Variants in GLRA3 observed in about 807,000 individuals in gnomAD.
GLRA3 encodes the protein glycine receptor alpha 3.
GLRA3 carries 44 observed loss-of-function variants against 60.4 expected under a neutral mutation model. The ratio of observed to expected loss-of-function variants is 0.73; its 90% CI spans 0.57 to 0.94. The LOEUF (loss-of-function observed/expected upper bound fraction) is 0.94. GLRA3 is among the 40% of genes least tolerant of loss of function. The pLI is 0.00. For synonymous variants in GLRA3, 223 were observed against 192.9 expected (o/e 1.16, Z -1.29); for missense variants, 508 against 564.6 (o/e 0.90, Z 1.02).
In GLRA3 at chr4:174,643,569, T is replaced by A. The variant is rs998449427; in HGVS notation, c.*217A>T. ...AAAAACAAATCACCTGGAATTAATA[T>A]GAAATAGAATCCCCTAATAAATATT... On this transcript the variant is annotated 3_prime_UTR_variant, in exon 10 of 10. Coordinates refer to ENST00000274093, the MANE Select transcript of GLRA3 (RefSeq NM_006529.4). 1 of 1,221,694 alleles carries A rather than the reference T, an allele frequency of 8.2e-7. No individual in the cohort carries two copies. Among genetic ancestry groups the A allele is most frequent in the African/African-American group, 1.5e-5 (1 of 65,078 alleles). The allele number at this position is 1,221,694 out of a possible 1,614,324, so 75.7% of individuals were successfully genotyped here.
chr4:174,766,897 A>G, intron 3 of GLRA3, 66 bp downstream of exon 3: 1 of 774,100 alleles, frequency 1.3e-6, no homozygotes, highest in Non-Finnish European at 2.2e-6. Context: ...AATTACATAA[A>G]ATGTTGCCAT....
At chr4:174,826,573 T>A (rs761131998) in intron 1 of GLRA3, among the ~76,000 whole-genome samples, 33 of 151,228 alleles carry the variant, frequency 2.2e-4, no homozygotes, top group Non-Finnish European at 4.3e-4. Flanking sequence ...TTTGTGTATG[T>A]TGTATCTCAA....
intron 1 of GLRA3, among the ~76,000 whole-genome samples, chr4:174,808,912 TA>T (rs936020112): frequency 6.6e-6 from 1 of 152,156 alleles, no homozygotes; most frequent in Non-Finnish European, 1.5e-5. Flanking sequence ...GTCAAAAATT[TA>T]AAAAAATTGA....
intron 3 of GLRA3, among the ~76,000 whole-genome samples, chr4:174,747,641 G>T (rs780781584): frequency 2.0e-5 from 3 of 152,090 alleles, no homozygotes; most frequent in Non-Finnish European, 4.4e-5. Context: ...TATTTGCGGG[G>T]TAGAATTGCT....
At chr4:174,774,437 T>C (rs957046334) in intron 2 of GLRA3, among the ~76,000 whole-genome samples, 1 of 149,338 alleles carries the variant, frequency 6.7e-6, no homozygotes. Context: ...TGTGGGTATA[T>C]ATAGATATAT....
chr4:174,671,951 G>A (rs956300218), intron 7 of GLRA3, among the ~76,000 whole-genome samples: 2 of 152,002 alleles, frequency 1.3e-5, no homozygotes, highest in South Asian at 2.1e-4. Context: ...GTGCCCAGAC[G>A]CTATCTCTGA....
At chr4:174,655,428 A>G (rs1240386444) in intron 9 of GLRA3, among the ~76,000 whole-genome samples, 1 of 152,140 alleles carries the variant, frequency 6.6e-6, no homozygotes, top group East Asian at 1.9e-4. Flanking sequence ...TCTTCTATAA[A>G]AATAAGAATG....
In GLRA3 at chr4:174,829,243, G is replaced by A. The variant is rs1466294262; in HGVS notation, c.-432C>T. 1.2e-5 allele frequency: 2 copies of A among 162,892 alleles called. No individual in the cohort carries two copies. The highest frequency in any genetic ancestry group is 2.4e-5 in the African/African-American group (1 of 41,770). The allele number at this position is 162,892 out of a possible 1,614,324, so 10.1% of individuals were successfully genotyped here. On this transcript the variant is annotated 5_prime_UTR_variant, in exon 1 of 10. Coordinates refer to ENST00000274093, the MANE Select transcript of GLRA3 (RefSeq NM_006529.4). ...CCGCCGGAATCCAGCTCTCCACCTT[G>A]GGTTAAAACCCGAGACCCGGAGCGC...
At chr4:174,706,134 A>T (rs572391524) in intron 5 of GLRA3, among the ~76,000 whole-genome samples, 1 of 151,858 alleles carries the variant, frequency 6.6e-6, no homozygotes, top group Non-Finnish European at 1.5e-5. Flanking sequence ...GGAGGCTGAG[A>T]CAGGAGAATG....
At chr4:174,657,912 G>C (rs531220835) in intron 8 of GLRA3, among the ~76,000 whole-genome samples, 11 of 152,216 alleles carry the variant, frequency 7.2e-5, no homozygotes, top group African/African-American at 2.6e-4. Context: ...GCTGTTAATT[G>C]TGTGTTTATT....
intron 2 of GLRA3, among the ~76,000 whole-genome samples, chr4:174,775,486 C>T (rs1738564076): frequency 6.6e-6 from 1 of 152,038 alleles, no homozygotes; most frequent in Non-Finnish European, 1.5e-5. Flanking sequence ...AAAGTTATAT[C>T]TACATACAAA....
rs1314133480 is a variant in GLRA3, at chr4:174,641,717, T to C, written c.*2069A>G. The C allele has an allele frequency of 6.6e-6, 1 of 152,060 alleles. No individual in the cohort carries two copies. Among genetic ancestry groups the C allele is most frequent in the African/African-American group, 2.4e-5 (1 of 41,452 alleles). The allele number at this position is 152,060 out of a possible 1,614,324, so 9.4% of individuals were successfully genotyped here. A position where few individuals can be genotyped will look rare whatever the true frequency, so the allele number is the denominator to read the frequency against. On this transcript the variant is annotated 3_prime_UTR_variant, in exon 10 of 10. Transcript: ENST00000274093. ...TGAATTTCTTTTGGAAGTAAGCATGTTTGCATTCATTATATTTCTGTTTGC... is the reference window on the plus strand; with the variant it reads ...TGAATTTCTTTTGGAAGTAAGCATGCTTGCATTCATTATATTTCTGTTTGC...
chr4:174,759,734 T>A (rs1261025061), intron 3 of GLRA3, among the ~76,000 whole-genome samples: 1 of 152,148 alleles, frequency 6.6e-6, no homozygotes, highest in Non-Finnish European at 1.5e-5. Context: ...AATAGATCAT[T>A]AGCATAGAAC....
intron 5 of GLRA3, among the ~76,000 whole-genome samples, chr4:174,694,305 G>A (rs1049893529): frequency 6.6e-6 from 1 of 151,902 alleles, no homozygotes; most frequent in African/African-American, 2.4e-5. Context: ...TCACTACAAG[G>A]CACATACCCT....
chr4:174,799,408 T>C lies in GLRA3; in HGVS notation c.72-10465A>G, dbSNP rs191266791. On this transcript the variant is annotated intron_variant, in intron 1 of 9. Transcript: ENST00000274093. ...TGATTGAGACCTAGATAAAAAGAAATTCGAAGGCAATCCCTATATTTGGAG... is the reference window on the plus strand; with the variant it reads ...TGATTGAGACCTAGATAAAAAGAAACTCGAAGGCAATCCCTATATTTGGAG... 1.6e-3 allele frequency among the ~76,000 whole-genome samples: 242 copies of C among 152,202 alleles called. 3 individuals are homozygous for C. Among genetic ancestry groups the C allele is most frequent in the Non-Finnish European group, 1.1e-3 (76 of 67,990 alleles).
intron 1 of GLRA3, among the ~76,000 whole-genome samples, chr4:174,823,907 A>G (rs1208171936): frequency 6.6e-6 from 1 of 152,218 alleles, no homozygotes; most frequent in African/African-American, 2.4e-5. Context: ...CTTGGTTCTA[A>G]TAAGCCTCAT....
At chr4:174,654,135 G>A (rs1733114226) in intron 9 of GLRA3, among the ~76,000 whole-genome samples, 1 of 152,146 alleles carries the variant, frequency 6.6e-6, no homozygotes, top group Non-Finnish European at 1.5e-5. Flanking sequence ...AATAGCATAA[G>A]CTGACCTGGA....
chr4:174,812,122 G>A (rs1012801532), intron 1 of GLRA3, among the ~76,000 whole-genome samples: 1 of 152,052 alleles, frequency 6.6e-6, no homozygotes, highest in African/African-American at 2.4e-5. Context: ...AATACTGACA[G>A]AAATTACCAT....
chr4:174,739,067 G>C (rs1050333476), intron 3 of GLRA3, among the ~76,000 whole-genome samples: 2 of 152,214 alleles, frequency 1.3e-5, no homozygotes, highest in Non-Finnish European at 2.9e-5. Flanking sequence ...GTAATGAAAT[G>C]TTTGTTTTGT....
Sources: gnomAD v4.1 joint callset for allele counts (sites outside exome capture counted in the v4.1 genomes callset) on GRCh38, gnomAD v4.1.1 for gene constraint, MANE v1.5 for transcripts, NCBI Gene and HGNC (gene_info 2026-07-23, HGNC 2026-07-21) for gene names.